SLC22A3: variants seen among roughly 807,000 people sequenced by gnomAD.
SLC22A3 encodes the protein EMT organic cation transporter 3.
Under a neutral mutation model 59.1 loss-of-function variants are expected in SLC22A3, and 51 were observed. The ratio of observed to expected loss-of-function variants is 0.86; its 90% confidence interval spans 0.69 to 1.09. SLC22A3 has a LOEUF of 1.09. Among genes scored for constraint, SLC22A3 ranks in the 50% least tolerant of loss-of-function variants. The probability of loss-of-function intolerance (pLI) is 0.00; values close to 1 mark genes in which losing one functional copy is unlikely to be tolerated. For missense variants in SLC22A3, 711 were observed against 726.3 expected (o/e 0.98, Z 0.24); for synonymous variants, 325 against 292.0 (o/e 1.11, Z -1.15).
intron 7 of SLC22A3, 102 bp downstream of exon 7, chr6:160,437,313 A>G: frequency 8.4e-7 from 1 of 1,188,008 alleles, no homozygotes; most frequent in Non-Finnish European, 1.2e-6. Flanking sequence ...TGTGCAATGG[A>G]ATCACAGTCT....
At chr6:160,372,718 C>T (rs1014366831) in intron 1 of SLC22A3, among the ~76,000 whole-genome samples, 19 of 151,858 alleles carry the variant, frequency 1.3e-4, no homozygotes, top group African/African-American at 4.6e-4. Context: ...TTTTGCTGAT[C>T]TTGTCTTCAT....
At chr6:160,424,643 T>C (rs1311779018) in intron 5 of SLC22A3, among the ~76,000 whole-genome samples, 2 of 152,182 alleles carry the variant, frequency 1.3e-5, no homozygotes, top group Admixed American at 6.5e-5. Flanking sequence ...GCATGTTAAG[T>C]AGGGTGGATT....
chr6:160,434,712 G>T (rs1788273729), intron 5 of SLC22A3, among the ~76,000 whole-genome samples: 1 of 152,018 alleles, frequency 6.6e-6, no homozygotes, highest in Admixed American at 6.5e-5. Context: ...CTTGTTTTTT[G>T]AGCAGCAAAG....
intron 5 of SLC22A3, among the ~76,000 whole-genome samples, chr6:160,432,014 T>C (rs1788167886): frequency 6.6e-6 from 1 of 152,226 alleles, no homozygotes; most frequent in South Asian, 2.1e-4. Flanking sequence ...TGTTGTCTCA[T>C]CAGTGTAAGA....
chr6:160,348,526 TCGTCGG>T lies in SLC22A3; in HGVS notation c.111_116del (p.Gly38_Val39del). 1 of 1,565,328 alleles carries T rather than the reference TCGTCGG, an allele frequency of 6.4e-7. No individual in the cohort carries two copies. Among genetic ancestry groups the T allele is most frequent in the Non-Finnish European group, 8.6e-7 (1 of 1,163,858 alleles). ...ACGGGCGTCACCTTCGCCTTCCTCT[TCGTCGG>T]CGTGGTCTTCCTGGGCACGCAGCCC... On this transcript the variant is annotated inframe_deletion, in exon 1 of 11. Coordinates refer to ENST00000275300, the MANE Select transcript of SLC22A3 (RefSeq NM_021977.4).
In SLC22A3 at chr6:160,415,639, G is replaced by GACCT. The variant is rs1193599433; in HGVS notation, c.975+4794_975+4797dup. Among the ~76,000 whole-genome samples the GACCT allele has an allele frequency of 3.9e-5, 6 of 152,148 alleles. No individual in the cohort carries two copies. The highest frequency in any genetic ancestry group is 6.6e-5 in the Admixed American group (1 of 15,266). ...TAGAAGACGTTATCACTGTGTAAATGACCTCATCCTTCACGACCTCTCTAA... is the reference window on the plus strand; with the variant it reads ...TAGAAGACGTTATCACTGTGTAAATGACCTACCTCATCCTTCACGACCTCTCTAA... On this transcript the variant is annotated intron_variant, in intron 5 of 10. Transcript: ENST00000275300. The surrounding 1 kb of genome is among the most constrained non-coding windows in gnomAD (Gnocchi z 4.1).
chr6:160,443,518 A>G, intron 8 of SLC22A3, 112 bp from the exon 9 acceptor site: 5 of 751,868 alleles, frequency 6.7e-6, no homozygotes, highest in Non-Finnish European at 1.2e-5. Context: ...AAGTTAGAAA[A>G]TGCAAAGTAT....
chr6:160,445,259 T>G (rs1006965962), intron 9 of SLC22A3, among the ~76,000 whole-genome samples: 4 of 152,180 alleles, frequency 2.6e-5, no homozygotes, highest in Non-Finnish European at 5.9e-5. Flanking sequence ...AGGGGCTGGC[T>G]GTGCTCCAGG....
At chr6:160,401,309 G>C (rs1786771583) in intron 2 of SLC22A3, among the ~76,000 whole-genome samples, 1 of 151,834 alleles carries the variant, frequency 6.6e-6, no homozygotes, top group Non-Finnish European at 1.5e-5. Context: ...AAGAAGAGTG[G>C]GGGGATAATG....
At chr6:160,381,390 C>T (rs1178568269) in intron 1 of SLC22A3, among the ~76,000 whole-genome samples, 1 of 152,150 alleles carries the variant, frequency 6.6e-6, no homozygotes, top group Non-Finnish European at 1.5e-5. Context: ...TAAGGTAAAA[C>T]AGAAGCTGAC....
At chr6:160,447,974 G>T (rs1253435161) in intron 10 of SLC22A3, among the ~76,000 whole-genome samples, 156 bp downstream of exon 10, 2 of 151,724 alleles carry the variant, frequency 1.3e-5, no homozygotes, top group Non-Finnish European at 2.9e-5. Context: ...GATACAAAAG[G>T]TTAACATAAA....
intron 9 of SLC22A3, among the ~76,000 whole-genome samples, chr6:160,447,016 G>A (rs970110617): frequency 2.6e-5 from 4 of 152,196 alleles, no homozygotes; most frequent in African/African-American, 9.7e-5. Flanking sequence ...GCCCAAAGAG[G>A]GTTGTTAGGC....
At chr6:160,440,860 C>A (rs1234745750) in intron 7 of SLC22A3, among the ~76,000 whole-genome samples, 1 of 151,986 alleles carries the variant, frequency 6.6e-6, no homozygotes, top group Non-Finnish European at 1.5e-5. Flanking sequence ...CCGGACAGAC[C>A]ACATCTCCAC....
At chr6:160,349,938 A>G (rs573315435) in intron 1 of SLC22A3, among the ~76,000 whole-genome samples, 1 of 152,240 alleles carries the variant, frequency 6.6e-6, no homozygotes, top group African/African-American at 2.4e-5. Context: ...AAAACACTGG[A>G]TGAGGAGGTA....
At position 160,348,531 on chromosome 6, in the gene SLC22A3, G is replaced by C. The variant is rs1163204231; in HGVS notation, c.112G>C (p.Gly38Arg). ...CGTCACCTTCGCCTTCCTCTTCGTC[G>C]GCGTGGTCTTCCTGGGCACGCAGCC... ...TGVTFAFLFV[G>R]VVFLGTQPDH... is the part of the protein sequence containing the mutation. Residue 38 changes from glycine to arginine, a missense_variant, in exon 1 of 11, where the codon GGC (glycine) becomes CGC (arginine). Physicochemically the swap from Gly to Arg is moderately radical, Grantham distance 125. Coordinates refer to ENST00000275300, the MANE Select transcript of SLC22A3 (RefSeq NM_021977.4). The C allele has an allele frequency of 1.3e-6, 2 of 1,563,870 alleles. No homozygotes were observed. Among genetic ancestry groups the C allele is most frequent in the Non-Finnish European group, 1.7e-6 (2 of 1,163,398 alleles).
At chr6:160,445,894 G>C (rs1788720425) in intron 9 of SLC22A3, among the ~76,000 whole-genome samples, 1 of 152,198 alleles carries the variant, frequency 6.6e-6, no homozygotes, top group Admixed American at 6.5e-5. Flanking sequence ...AAACCAGCAG[G>C]CTCAACACCG....
At chr6:160,428,157 C>A (rs115271575) in intron 5 of SLC22A3, among the ~76,000 whole-genome samples, 2,449 of 127,114 alleles carry the variant, frequency 0.019, 44 homozygotes, top group African/African-American at 0.067. Context: ...AAGAAATGTT[C>A]CAACATGTGA....
intron 1 of SLC22A3, among the ~76,000 whole-genome samples, chr6:160,351,891 TGTAA>T (rs1458540618): frequency 2.0e-5 from 3 of 152,220 alleles, no homozygotes; most frequent in African/African-American, 7.2e-5. Flanking sequence ...GGGCCTTGAT[TGTAA>T]GTCAGTCCAC....
intron 4 of SLC22A3, among the ~76,000 whole-genome samples, chr6:160,410,369 T>C (rs1787196543): frequency 6.6e-6 from 1 of 152,244 alleles, no homozygotes; most frequent in Non-Finnish European, 1.5e-5. Flanking sequence ...TCTAATTTAA[T>C]TTTAATATAT....
Sources: gnomAD v4.1 joint callset for allele counts (sites outside exome capture counted in the v4.1 genomes callset) on GRCh38, gnomAD v4.1.1 for gene constraint, Gnocchi (gnomAD v3.1) non-coding constraint, MANE v1.5 for transcripts, NCBI Gene and HGNC (gene_info 2026-07-23, HGNC 2026-07-21) for gene names.